Variants in PLCH1 observed in about 807,000 individuals in gnomAD.
PLCH1 encodes phospholipase C eta 1, also known as 1-phosphatidylinositol 4,5-bisphosphate phosphodiesterase eta-1.
A neutral mutation model predicts 126.7 loss-of-function variants in PLCH1; 60 were observed. The observed-to-expected ratio is 0.47, with a 90% CI of 0.38 to 0.59. The LOEUF (loss-of-function observed/expected upper bound fraction) is 0.59. PLCH1 is among the 20% of genes least tolerant of loss of function. PLCH1 has a pLI of 0.00. For missense variants in PLCH1, 1,723 were observed against 2,040.0 expected, an observed-to-expected ratio of 0.84 and a Z score of 2.99; for synonymous variants, 719 against 734.9, an observed-to-expected ratio of 0.98 and a Z score of 0.35.
intron 7 of PLCH1, among the ~76,000 whole-genome samples, chr3:155,565,805 C>T (rs1465242915): frequency 2.0e-5 from 3 of 151,596 alleles, no homozygotes; most frequent in African/African-American, 4.8e-5. Context: ...AAGAGATTCT[C>T]CAGCCTCAGC....
At chr3:155,703,520 G>T (rs1232671536) in intron 2 of PLCH1, among the ~76,000 whole-genome samples, 2 of 152,216 alleles carry the variant, frequency 1.3e-5, no homozygotes, top group Non-Finnish European at 2.9e-5. Flanking sequence ...AAGGCAATTT[G>T]TCTTAGTTTG....
At chr3:155,680,496 G>C (rs769188760) in intron 2 of PLCH1, among the ~76,000 whole-genome samples, 50 of 152,144 alleles carry the variant, frequency 3.3e-4, no homozygotes, top group Non-Finnish European at 5.9e-4. Context: ...CTTCGCCATT[G>C]AGAGCCTCCA....
chr3:155,471,816 C>A (rs1713262154), intron 21 of PLCH1, among the ~76,000 whole-genome samples: 1 of 152,184 alleles, frequency 6.6e-6, no homozygotes, highest in Non-Finnish European at 1.5e-5. Context: ...ACAACCTGCT[C>A]ATGAATAACT....
intron 10 of PLCH1, among the ~76,000 whole-genome samples, chr3:155,527,405 C>T (rs1160514094): frequency 6.6e-6 from 1 of 152,186 alleles, no homozygotes; most frequent in Non-Finnish European, 1.5e-5. Flanking sequence ...CATAGGGCTA[C>T]CAGCTTAGTC....
chr3:155,682,700 T>C lies in PLCH1; in HGVS notation c.79+21446A>G, dbSNP rs532092118. Among the ~76,000 whole-genome samples the C allele has an allele frequency of 3.9e-5, 6 of 152,108 alleles. No homozygotes were observed. The East Asian group carries it at 1.2e-3, about 29-fold the overall frequency. ...AAATTAGTCAGTGGAAAAACTGGGCTTTCTAATCCAAACACAGTGCTCTTT... is the reference window on the plus strand; with the variant it reads ...AAATTAGTCAGTGGAAAAACTGGGCCTTCTAATCCAAACACAGTGCTCTTT... On this transcript the variant is annotated intron_variant, in intron 2 of 22. Transcript: ENST00000460012.
At chr3:155,619,414 A>G (rs1736182816) in intron 2 of PLCH1, among the ~76,000 whole-genome samples, 1 of 151,572 alleles carries the variant, frequency 6.6e-6, no homozygotes, top group Non-Finnish European at 1.5e-5. Context: ...ATATACCCCC[A>G]GTAGCTCCCA....
chr3:155,473,754 C>A (rs1368590179), intron 21 of PLCH1, among the ~76,000 whole-genome samples: 3,434 of 97,884 alleles, frequency 0.035, no homozygotes, highest in South Asian at 0.046. Flanking sequence ...CAGAACAGAG[C>A]CCTCAGAAAT....
chr3:155,561,335 C>A (rs912428197), intron 8 of PLCH1, among the ~76,000 whole-genome samples: 1 of 146,528 alleles, frequency 6.8e-6, no homozygotes, highest in African/African-American at 2.5e-5. Flanking sequence ...TTCCTGTGTC[C>A]ATGTGCTCTC....
At chr3:155,618,587 C>A (rs896025535) in intron 2 of PLCH1, among the ~76,000 whole-genome samples, 1 of 152,188 alleles carries the variant, frequency 6.6e-6, no homozygotes, top group African/African-American at 2.4e-5. Context: ...GTTTGCCTTA[C>A]ATTTCAGACA....
At chr3:155,580,208 T>C (rs1032899703) in intron 6 of PLCH1, among the ~76,000 whole-genome samples, 13 of 152,202 alleles carry the variant, frequency 8.5e-5, no homozygotes, top group African/African-American at 3.1e-4. Flanking sequence ...TATAGCATTA[T>C]GGAGATATGT....
At chr3:155,696,549 G>A in intron 2 of PLCH1, among the ~76,000 whole-genome samples, 1 of 152,148 alleles carries the variant, frequency 6.6e-6, no homozygotes, top group East Asian at 1.9e-4. Context: ...GAAAATGAGA[G>A]AGCAGAGGAA....
At chr3:155,619,476 T>C (rs1338907308) in intron 2 of PLCH1, among the ~76,000 whole-genome samples, 4 of 138,118 alleles carry the variant, frequency 2.9e-5, no homozygotes, top group Non-Finnish European at 6.1e-5. Context: ...CTGATTCTTT[T>C]TCAAAACAAA....
intron 6 of PLCH1, among the ~76,000 whole-genome samples, chr3:155,569,349 C>T (rs984226271): frequency 2.0e-5 from 3 of 151,998 alleles, no homozygotes; most frequent in African/African-American, 7.2e-5. Flanking sequence ...AGGTTTAATA[C>T]TTACATTTTA....
At chr3:155,560,660 C>G (rs1047543251) in intron 8 of PLCH1, among the ~76,000 whole-genome samples, 1 of 152,152 alleles carries the variant, frequency 6.6e-6, no homozygotes, top group African/African-American at 2.4e-5. Context: ...AACTATCTGA[C>G]AAAGAAAGGC....
chr3:155,669,961 G>A (rs141807084), intron 2 of PLCH1, among the ~76,000 whole-genome samples: 3 of 152,300 alleles, frequency 2.0e-5, no homozygotes, highest in African/African-American at 7.2e-5. Flanking sequence ...GTGTGTGCAT[G>A]TATGTACTAC....
At chr3:155,455,732 A>G (rs1038654031) in intron 21 of PLCH1, among the ~76,000 whole-genome samples, 1 of 152,232 alleles carries the variant, frequency 6.6e-6, no homozygotes, top group Non-Finnish European at 1.5e-5. Flanking sequence ...TTCCTAATTA[A>G]GCACACAGAA....
chr3:155,623,554 A>G (rs1736813353), intron 2 of PLCH1, among the ~76,000 whole-genome samples: 1 of 152,234 alleles, frequency 6.6e-6, no homozygotes, highest in South Asian at 2.1e-4. Context: ...AAATAGACGT[A>G]ATAAAAAATG....
At chr3:155,741,488 C>A (rs1037639762) in intron 1 of PLCH1, among the ~76,000 whole-genome samples, 2 of 152,084 alleles carry the variant, frequency 1.3e-5, no homozygotes. Flanking sequence ...TTTCCCTAAC[C>A]GTCTATGTCC....
intron 1 of PLCH1, among the ~76,000 whole-genome samples, chr3:155,708,519 C>A (rs1307388257): frequency 6.6e-6 from 1 of 152,204 alleles, no homozygotes; most frequent in Admixed American, 6.5e-5. Flanking sequence ...GGAAACCCAG[C>A]CTCAGCAGTT....
Sources: gnomAD v4.1 joint callset for allele counts (sites outside exome capture counted in the v4.1 genomes callset) on GRCh38, gnomAD v4.1.1 for gene constraint, MANE v1.5 for transcripts, NCBI Gene and HGNC (gene_info 2026-07-23, HGNC 2026-07-21) for gene names.